AKAP7: variants seen among roughly 807,000 people sequenced by gnomAD.
AKAP7 encodes A kinase (PRKA) anchor protein 7.
AKAP7 carries 39 observed loss-of-function variants against 39.5 expected under a neutral mutation model. That is an observed-to-expected ratio of 0.99 (90% confidence interval 0.76 to 1.29). The LOEUF is 1.29. Ranked by LOEUF, AKAP7 falls within the 50% of genes most tolerant of loss-of-function variation. AKAP7 has a pLI of 0.00. For synonymous variants in AKAP7, 140 were observed against 139.1 expected (o/e 1.01, Z -0.05); for missense variants, 414 against 407.7 (o/e 1.02, Z -0.13).
intron 6 of AKAP7, among the ~76,000 whole-genome samples, chr6:131,213,317 G>A (rs974006656): frequency 1.3e-5 from 2 of 152,136 alleles, no homozygotes; most frequent in African/African-American, 4.8e-5. Flanking sequence ...TTTTATACCA[G>A]TGGCTTACTG....
At chr6:131,226,675 A>G (rs969307704) in intron 7 of AKAP7, among the ~76,000 whole-genome samples, 2 of 152,222 alleles carry the variant, frequency 1.3e-5, no homozygotes, top group Non-Finnish European at 2.9e-5. Context: ...ATTGATGAGC[A>G]ATTTAGTGCT....
chr6:131,146,443 T>C (rs1801495382), intron 2 of AKAP7, among the ~76,000 whole-genome samples: 1 of 152,198 alleles, frequency 6.6e-6, no homozygotes, highest in Non-Finnish European at 1.5e-5. Context: ...CCCCCATCTC[T>C]ATTTTAGTAA....
At chr6:131,261,755 T>C (rs901421721) in intron 7 of AKAP7, among the ~76,000 whole-genome samples, 1 of 152,218 alleles carries the variant, frequency 6.6e-6, no homozygotes, top group Non-Finnish European at 1.5e-5. Flanking sequence ...CTGTCGTTCA[T>C]GTCTTAGTCC....
At position 131,219,656 on chromosome 6, in the gene AKAP7, T is replaced by G. The variant is rs751431804; in HGVS notation, c.703-5T>G. Reference sequence around the variant, plus strand: ...TGATTGATTGATTTGTTTTTTCATTTCAAGGGAGTGAAAAAAATAGATCCT... The same window carrying G: ...TGATTGATTGATTTGTTTTTTCATTGCAAGGGAGTGAAAAAAATAGATCCT... On this transcript the variant is annotated splice_region_variant and splice_polypyrimidine_tract_variant and intron_variant, in intron 6 of 7. Transcript: ENST00000431975. 5.2e-5 allele frequency: 83 copies of G among 1,591,966 alleles called. No individual in the cohort carries two copies. The highest frequency in any genetic ancestry group is 5.2e-4 in the South Asian group (45 of 87,048).
chr6:131,233,317 A>G (rs528996457), intron 7 of AKAP7, among the ~76,000 whole-genome samples: 74 of 152,314 alleles, frequency 4.9e-4, no homozygotes, highest in African/African-American at 1.7e-3. Context: ...TCCTACAATC[A>G]GGCAGACCTT....
At chr6:131,173,779 C>G (rs1383108179) in intron 5 of AKAP7, among the ~76,000 whole-genome samples, 1 of 151,992 alleles carries the variant, frequency 6.6e-6, no homozygotes, top group Non-Finnish European at 1.5e-5. Context: ...AGACTTAGAG[C>G]TTTTCTTTGG....
At chr6:131,140,923 C>T (rs969089835) in intron 1 of AKAP7, among the ~76,000 whole-genome samples, 1 of 152,170 alleles carries the variant, frequency 6.6e-6, no homozygotes, top group African/African-American at 2.4e-5. Flanking sequence ...GCATTTTTCA[C>T]ATATTTGCAA....
At chr6:131,137,974 C>G (rs1404105088) in intron 1 of AKAP7, among the ~76,000 whole-genome samples, 1 of 152,084 alleles carries the variant, frequency 6.6e-6, no homozygotes, top group Non-Finnish European at 1.5e-5. Context: ...TTGTTGTTAG[C>G]TTTTTTCTGT....
chr6:131,261,711 C>A (rs1385487443), intron 7 of AKAP7, among the ~76,000 whole-genome samples: 2 of 152,138 alleles, frequency 1.3e-5, no homozygotes, highest in South Asian at 4.1e-4. Context: ...TAAAAAACTT[C>A]AAGCTCATAG....
chr6:131,252,546 G>T (rs574366003), intron 7 of AKAP7, among the ~76,000 whole-genome samples: 1 of 152,320 alleles, frequency 6.6e-6, no homozygotes, highest in African/African-American at 2.4e-5. Flanking sequence ...TCTGGTACAG[G>T]ATGGTCTAAA....
chr6:131,145,205 C>A, intron 1 of AKAP7, 80 bp from the exon 2 acceptor site: 2 of 983,652 alleles, frequency 2.0e-6, no homozygotes, highest in Non-Finnish European at 2.7e-6. Flanking sequence ...AATCAGTGAG[C>A]TGAGTTATTT....
chr6:131,244,649 T>C (rs1012818034), intron 7 of AKAP7, among the ~76,000 whole-genome samples: 2 of 152,182 alleles, frequency 1.3e-5, no homozygotes, highest in Admixed American at 6.5e-5. Context: ...ATAGTAACCA[T>C]GGAGTAGGCA....
At chr6:131,246,035 C>T (rs369077140) in intron 7 of AKAP7, among the ~76,000 whole-genome samples, 9 of 151,430 alleles carry the variant, frequency 5.9e-5, no homozygotes, top group East Asian at 3.9e-4. Flanking sequence ...CAGAATCTTA[C>T]AGCAAGGTTT....
upstream of AKAP7, among the ~76,000 whole-genome samples, chr6:131,131,519 C>G (rs1483060254): frequency 6.9e-6 from 1 of 145,434 alleles, no homozygotes; most frequent in African/African-American, 2.6e-5. Flanking sequence ...TATTTTTTGA[C>G]AAATCTGAGT....
chr6:131,156,784 T>C (rs1802453867), intron 2 of AKAP7, among the ~76,000 whole-genome samples: 1 of 151,904 alleles, frequency 6.6e-6, no homozygotes, highest in African/African-American at 2.4e-5. Context: ...TTTCCTTTTT[T>C]TTTTTTGAGA....
chr6:131,256,043 T>G (rs1190097489), intron 7 of AKAP7, among the ~76,000 whole-genome samples: 1 of 152,150 alleles, frequency 6.6e-6, no homozygotes, highest in Non-Finnish European at 1.5e-5. Context: ...GCCAGAAGTG[T>G]GGGGGATTTC....
chr6:131,126,874 G>A, the AKAP7 span, among the ~76,000 whole-genome samples: 1 of 152,242 alleles, frequency 6.6e-6, no homozygotes, highest in East Asian at 1.9e-4. Flanking sequence ...CAGGTGTACA[G>A]AGTGTTTTCC....
chr6:131,217,141 G>A (rs970129483), intron 6 of AKAP7, among the ~76,000 whole-genome samples: 3 of 152,158 alleles, frequency 2.0e-5, no homozygotes, highest in African/African-American at 7.2e-5. Context: ...TGAAAATAAT[G>A]CCACCACGCA....
intron 6 of AKAP7, 44 bp from the exon 7 acceptor site, chr6:131,219,617 A>C (rs1180574094): frequency 6.5e-7 from 1 of 1,545,424 alleles, no homozygotes; most frequent in Non-Finnish European, 8.8e-7. Flanking sequence ...AACTGGCTGC[A>C]TGGGTGAAAT....
Sources: gnomAD v4.1 joint callset for allele counts (sites outside exome capture counted in the v4.1 genomes callset) on GRCh38, gnomAD v4.1.1 for gene constraint, MANE v1.5 for transcripts, NCBI Gene and HGNC (gene_info 2026-07-23, HGNC 2026-07-21) for gene names.